LRRC4C: variants seen among roughly 807,000 people sequenced by gnomAD.
The protein encoded by LRRC4C is leucine-rich repeat-containing protein 4C.
In LRRC4C, 5 loss-of-function variants were observed where a neutral mutation model predicts 33.6. The observed-to-expected ratio is 0.15, with a 90% CI of 0.08 to 0.31. The LOEUF (loss-of-function observed/expected upper bound fraction) is 0.31, where lower values mean the gene tolerates loss of function less well. LRRC4C is among the 10% of genes least tolerant of loss of function. The probability of loss-of-function intolerance (pLI) is 1.00; values close to 1 mark genes in which losing one functional copy is unlikely to be tolerated. For synonymous variants in LRRC4C, 329 were observed against 302.0 expected (o/e 1.09, Z -0.93); for missense variants, 560 against 796.7 (o/e 0.70, Z 3.58).
intron 2 of LRRC4C, among the ~76,000 whole-genome samples, chr11:40,702,300 G>A (rs1384039182): frequency 3.9e-5 from 6 of 152,020 alleles, no homozygotes; most frequent in African/African-American, 1.4e-4. Context: ...GCTTCCAGAA[G>A]ATCAATTAAT....
intron 6 of LRRC4C, among the ~76,000 whole-genome samples, chr11:40,131,287 A>C (rs1856627018): frequency 6.6e-6 from 1 of 152,216 alleles, no homozygotes; most frequent in Non-Finnish European, 1.5e-5. Flanking sequence ...AATGGCAAAG[A>C]GAGGGCTCAA....
intron 2 of LRRC4C, among the ~76,000 whole-genome samples, chr11:40,886,598 T>C (rs548825643): frequency 6.6e-6 from 1 of 152,068 alleles, no homozygotes; most frequent in African/African-American, 2.4e-5. Context: ...AATTTTAAAA[T>C]GTGTCCTGCT....
chr11:41,319,048 G>C (rs1051796438), intron 1 of LRRC4C, among the ~76,000 whole-genome samples: 2 of 152,196 alleles, frequency 1.3e-5, no homozygotes, highest in African/African-American at 4.8e-5. Flanking sequence ...AAGAATATGT[G>C]GTTGGGCACC....
At chr11:40,297,132 A>C (rs1022604158) in intron 4 of LRRC4C, among the ~76,000 whole-genome samples, 13 of 152,222 alleles carry the variant, frequency 8.5e-5, no homozygotes, top group Admixed American at 6.5e-4. Context: ...AAATAGAACA[A>C]ATTCAGTAAC....
intron 1 of LRRC4C, among the ~76,000 whole-genome samples, chr11:41,274,107 G>A (rs1358073901): frequency 6.6e-6 from 1 of 152,066 alleles, no homozygotes; most frequent in Non-Finnish European, 1.5e-5. Flanking sequence ...GGAAATAGCA[G>A]GGAGGCTGGG....
chr11:40,923,088 G>C (rs1033743593), intron 2 of LRRC4C, among the ~76,000 whole-genome samples: 2 of 152,158 alleles, frequency 1.3e-5, no homozygotes, highest in Non-Finnish European at 2.9e-5. Context: ...GCCTCCCAAA[G>C]TGCTGGGATT....
chr11:40,552,430 C>T (rs1957162453), intron 3 of LRRC4C, among the ~76,000 whole-genome samples: 1 of 152,098 alleles, frequency 6.6e-6, no homozygotes, highest in Admixed American at 6.6e-5. Flanking sequence ...GGAAGCAGAG[C>T]CTCTAATAAA....
intron 3 of LRRC4C, among the ~76,000 whole-genome samples, chr11:40,363,014 C>CA (rs1186603618): frequency 6.6e-6 from 1 of 151,956 alleles, no homozygotes; most frequent in African/African-American, 2.4e-5. Context: ...AGTGATGCCT[C>CA]AAAGAAAGAA....
chr11:40,508,521 G>C (rs976933990), intron 3 of LRRC4C, among the ~76,000 whole-genome samples: 3 of 152,014 alleles, frequency 2.0e-5, no homozygotes, highest in Non-Finnish European at 4.4e-5. Context: ...TCAGCATTTA[G>C]CTCATGTACT....
chr11:40,968,740 CT>C (rs1851520428), intron 1 of LRRC4C, among the ~76,000 whole-genome samples: 1 of 152,080 alleles, frequency 6.6e-6, no homozygotes, highest in Non-Finnish European at 1.5e-5. Context: ...TTTAAGCCCA[CT>C]TTTGAGACCT....
At chr11:40,554,055 G>A (rs567032604) in intron 3 of LRRC4C, among the ~76,000 whole-genome samples, 1 of 152,198 alleles carries the variant, frequency 6.6e-6, no homozygotes, top group African/African-American at 2.4e-5. Context: ...TTTTCCTCTA[G>A]GATTTGTATA....
chr11:40,115,804 G>A lies in LRRC4C; in HGVS notation c.489C>T (p.Ile163=). 1 of 1,614,088 alleles carries A rather than the reference G, an allele frequency of 6.2e-7. No individual in the cohort carries two copies. The highest frequency in any genetic ancestry group is 8.5e-7 in the Non-Finnish European group (1 of 1,179,986). ...LWLRNNPIES[I]PSYAFNRIPS... is the part of the protein sequence containing the mutation. ...GAATTCTGTTAAAAGCATAAGAAGG[G>A]ATGCTTTCAATGGGGTTGTTTCGCA... The change falls in exon 7 of 7, where the codon ATC becomes ATT. Residue 163 remains isoleucine (I), a synonymous_variant. Coordinates refer to ENST00000528697, the MANE Select transcript of LRRC4C (RefSeq NM_001258419.2). This position sits in a 1 kb window ranked among gnomAD's most constrained non-coding sequence, Gnocchi z 6.7.
intron 1 of LRRC4C, among the ~76,000 whole-genome samples, chr11:41,128,980 C>T (rs998646504): frequency 6.6e-6 from 1 of 151,780 alleles, no homozygotes; most frequent in Non-Finnish European, 1.5e-5. Flanking sequence ...ATACAATTTG[C>T]TATATATAAA....
intron 1 of LRRC4C, among the ~76,000 whole-genome samples, chr11:41,435,923 C>T (rs61877338): frequency 0.11 from 16,036 of 152,170 alleles, 1,143 homozygotes; most frequent in Non-Finnish European, 0.15. Context: ...AAACATTTCC[C>T]GGCCGGGAGT....
intron 3 of LRRC4C, among the ~76,000 whole-genome samples, chr11:40,433,892 C>T (rs1367648203): frequency 2.0e-5 from 3 of 152,036 alleles, no homozygotes; most frequent in South Asian, 4.1e-4. Context: ...GTGAAATTTC[C>T]AGTTGTTCCC....
chr11:41,438,156 C>A (rs945266618), intron 1 of LRRC4C, among the ~76,000 whole-genome samples: 1 of 151,934 alleles, frequency 6.6e-6, no homozygotes, highest in Non-Finnish European at 1.5e-5. Flanking sequence ...AAAAAAGAGA[C>A]CAACAATTTT....
chr11:41,353,246 T>C (rs182960502), intron 1 of LRRC4C, among the ~76,000 whole-genome samples: 382 of 152,126 alleles, frequency 2.5e-3, no homozygotes, highest in Non-Finnish European at 4.3e-3. Context: ...AACACCACTG[T>C]GCACACAAAC....
chr11:40,448,423 C>T (rs568852090), intron 3 of LRRC4C, among the ~76,000 whole-genome samples: 1 of 152,140 alleles, frequency 6.6e-6, no homozygotes, highest in East Asian at 1.9e-4. Context: ...CCGACAGGCC[C>T]TGGTGTGTGA....
At chr11:40,767,863 C>T (rs1949548412) in intron 2 of LRRC4C, among the ~76,000 whole-genome samples, 1 of 151,722 alleles carries the variant, frequency 6.6e-6, no homozygotes, top group Admixed American at 6.6e-5. Context: ...CCTACATCAA[C>T]AAGGTAGTAA....
Sources: allele counts gnomAD v4.1 joint callset (sites outside exome capture counted in the v4.1 genomes callset), GRCh38; gene constraint gnomAD v4.1.1; non-coding constraint Gnocchi (gnomAD v3.1); transcripts MANE v1.5; gene names NCBI Gene and HGNC (gene_info 2026-07-23, HGNC 2026-07-21).